The following PLAA variants were observed in gnomAD, a reference collection of about 807,000 sequenced individuals.
PLAA encodes phospholipase A2 activating protein, also known as phospholipase A-2-activating protein.
Under a neutral mutation model 84.1 loss-of-function variants are expected in PLAA, and 48 were observed. The ratio of observed to expected loss-of-function variants is 0.57; its 90% CI spans 0.45 to 0.73. The LOEUF is 0.73. PLAA is among the 30% of genes least tolerant of loss of function. PLAA has a pLI of 0.00. For missense variants in PLAA, 903 were observed against 954.7 expected, an observed-to-expected ratio of 0.95 and a Z score of 0.71; for synonymous variants, 392 against 336.6, an observed-to-expected ratio of 1.16 and a Z score of -1.80.
Position 26,919,301 on chromosome 9 carries a change from C to CT in PLAA, c.1417+8dup, listed in dbSNP as rs1271648937. 1 of 1,578,280 alleles carries CT rather than the reference C, an allele frequency of 6.3e-7. No individual in the cohort carries two copies. Among genetic ancestry groups the CT allele is most frequent in the African/African-American group, 1.4e-5 (1 of 73,902 alleles). On this transcript the variant is annotated intron_variant, in intron 9 of 13. Transcript: ENST00000397292. ...AACTACATAAGACTCAATATAAACA[C>CT]TAACTTACCTGTAAATGGATCTGAA...
intron 9 of PLAA, 61 bp from the exon 10 acceptor site, chr9:26,917,226 C>T: frequency 3.0e-6 from 4 of 1,319,746 alleles, no homozygotes; most frequent in East Asian, 2.3e-5. Flanking sequence ...TTTCAAACAG[C>T]ACAATGCTTG....
intron 2 of PLAA, among the ~76,000 whole-genome samples, chr9:26,933,926 AACTT>A (rs1308224963): frequency 1.3e-5 from 2 of 152,174 alleles, no homozygotes; most frequent in East Asian, 3.9e-4. Flanking sequence ...TTCTCACCTC[AACTT>A]ACTGAGTAGC....
intron 2 of PLAA, among the ~76,000 whole-genome samples, chr9:26,928,881 T>C (rs138031345): frequency 1.4e-4 from 22 of 152,284 alleles, no homozygotes; most frequent in African/African-American, 4.8e-4. Flanking sequence ...TGATGTGAAA[T>C]TATGCAGGCT....
chr9:26,927,911 T>C (rs1007505190), intron 4 of PLAA, among the ~76,000 whole-genome samples, 189 bp downstream of exon 4: 4 of 152,238 alleles, frequency 2.6e-5, no homozygotes, highest in Non-Finnish European at 5.9e-5. Context: ...TTGGCTGTTT[T>C]ATGAGAGGTT....
chr9:26,905,105 T>C lies in PLAA; in HGVS notation c.*406A>G, dbSNP rs1366373431. On this transcript the variant is annotated 3_prime_UTR_variant, in exon 14 of 14. Coordinates refer to ENST00000397292, the MANE Select transcript of PLAA (RefSeq NM_001031689.3). ...ACAAGACCTTGAAATGTATCAGTGC[T>C]GTTCGAAGGATCTAGCAATGAAGGT... 1 of 157,812 alleles carries C rather than the reference T, an allele frequency of 6.3e-6. No individual in the cohort carries two copies. The allele number at this position is 157,812 out of a possible 1,614,324, so 9.8% of individuals were successfully genotyped here.
chr9:26,923,160 G>T lies in PLAA; in HGVS notation c.1039+18C>A. On this transcript the variant is annotated intron_variant, in intron 7 of 13. Coordinates refer to ENST00000397292, the MANE Select transcript of PLAA (RefSeq NM_001031689.3). ...AAATATGGTGAATTTTTTCTACTAG[G>T]TACAATAAAATACTTACCAGGTTCA... The T allele has an allele frequency of 2.6e-6, 4 of 1,535,550 alleles. No homozygotes were observed. The highest frequency in any genetic ancestry group is 1.2e-5 in the South Asian group (1 of 81,374).
At chr9:26,919,607 G>C (rs982033372) in intron 8 of PLAA, 78 bp from the exon 9 acceptor site, 2 of 787,348 alleles carry the variant, frequency 2.5e-6, no homozygotes, top group African/African-American at 3.4e-5. Context: ...ACATAACACA[G>C]ATGTGTTCTT....
chr9:26,938,604 C>T (rs904868647), intron 1 of PLAA, among the ~76,000 whole-genome samples: 1 of 149,800 alleles, frequency 6.7e-6, no homozygotes, highest in Non-Finnish European at 1.5e-5. Flanking sequence ...TGCCATGAGA[C>T]CTCCCTGTAA....
intron 4 of PLAA, among the ~76,000 whole-genome samples, chr9:26,927,514 A>C (rs531255624): frequency 6.6e-6 from 1 of 152,302 alleles, no homozygotes; most frequent in South Asian, 2.1e-4. Flanking sequence ...AGGAAAAACA[A>C]CACCAATTAA....
chr9:26,915,873 G>C (rs1043096397), intron 10 of PLAA: 55 of 985,226 alleles, frequency 5.6e-5, no homozygotes, highest in Middle Eastern at 1.0e-3. Flanking sequence ...AAAGTGATTT[G>C]GATTCTCACT....
At chr9:26,942,868 G>A (rs1376633319) in intron 1 of PLAA, among the ~76,000 whole-genome samples, 3 of 114,366 alleles carry the variant, frequency 2.6e-5, no homozygotes, top group African/African-American at 1.0e-4. Context: ...GACAGAGCGA[G>A]ACTCGTCTCA....
intron 10 of PLAA, chr9:26,915,696 T>C (rs1238993120): frequency 7.1e-6 from 7 of 984,300 alleles, no homozygotes; most frequent in East Asian, 1.1e-4. Context: ...CTCTTGGACA[T>C]TGTGTATGCT....
At chr9:26,906,423 CTTTTTTTTTTTTTT>C (rs35324777) in intron 13 of PLAA, among the ~76,000 whole-genome samples, 5 of 95,064 alleles carry the variant, frequency 5.3e-5, no homozygotes, top group South Asian at 7.2e-4. Flanking sequence ...AGGGAAAGTT[CTTTTTTTTTTTTTT>C]TTTTTTTTTG....
chr9:26,910,377 C>A lies in PLAA; in HGVS notation c.1618G>T (p.Ala540Ser). Reference protein sequence around the residue: ...TMNIYFPKKEAVTFDQANPTQ... With the variant: ...TMNIYFPKKESVTFDQANPTQ... ...GGGTTTGCTTGGTCAAATGTGACAG[C>A]CTCTTTTTTAGGGAAATAAATATTC... is the stretch of plus-strand genomic sequence containing the variant. Residue 540 changes from alanine (A) to serine (S), a missense_variant, in exon 12 of 14, where the codon GCT (alanine) becomes TCT (serine). Ala to Ser is a moderately conservative substitution (Grantham distance 99, BLOSUM62 1). Transcript: ENST00000397292. 1.2e-6 allele frequency: 2 copies of A among 1,613,252 alleles called. No individual in the cohort carries two copies. The highest frequency in any genetic ancestry group is 1.7e-6 in the Non-Finnish European group (2 of 1,179,548).
chr9:26,927,087 C>A (rs943834853), intron 4 of PLAA, among the ~76,000 whole-genome samples: 1 of 150,674 alleles, frequency 6.6e-6, no homozygotes, highest in Non-Finnish European at 1.5e-5. Context: ...GATGTTTAGT[C>A]ATCATCCACT....
intron 9 of PLAA, among the ~76,000 whole-genome samples, chr9:26,917,960 A>G (rs780293131): frequency 6.6e-6 from 1 of 152,240 alleles, no homozygotes; most frequent in Non-Finnish European, 1.5e-5. Context: ...CTTACACAGT[A>G]CTACAATCTG....
intron 1 of PLAA, among the ~76,000 whole-genome samples, chr9:26,942,617 T>A (rs1442570619): frequency 1.4e-5 from 2 of 143,100 alleles, no homozygotes; most frequent in East Asian, 3.9e-4. Context: ...GCATGGTGGC[T>A]CACGCCTGTA....
chr9:26,923,450 G>A (rs1587167141), intron 6 of PLAA, 103 bp from the exon 7 acceptor site: 3 of 865,794 alleles, frequency 3.5e-6, no homozygotes, highest in East Asian at 4.9e-5. Flanking sequence ...TTGTGAATAT[G>A]AGAAATATTA....
At chr9:26,938,323 C>T (rs1250801546) in intron 1 of PLAA, among the ~76,000 whole-genome samples, 4 of 151,980 alleles carry the variant, frequency 2.6e-5, no homozygotes, top group South Asian at 2.1e-4. Flanking sequence ...CAGAGTGCTG[C>T]GACCACACTC....
Sources: gnomAD v4.1 joint callset for allele counts (sites outside exome capture counted in the v4.1 genomes callset) on GRCh38, gnomAD v4.1.1 for gene constraint, MANE v1.5 for transcripts, NCBI Gene and HGNC (gene_info 2026-07-23, HGNC 2026-07-21) for gene names.